The following TDRD5 variants were observed in gnomAD, a reference collection of about 807,000 sequenced individuals.
TDRD5 encodes tudor domain-containing protein 5.
Under a neutral mutation model 120.6 loss-of-function variants are expected in TDRD5, and 41 were observed. The ratio of observed to expected loss-of-function variants is 0.34; its 90% CI spans 0.26 to 0.44. The LOEUF (loss-of-function observed/expected upper bound fraction) is 0.44. Ranked by LOEUF, TDRD5 falls within the 20% of genes least tolerant of loss-of-function variation. The pLI, the probability that TDRD5 is intolerant of heterozygous loss-of-function variation, is 1.00. For synonymous variants in TDRD5, 430 were observed against 433.7 expected (o/e 0.99, Z 0.11); for missense variants, 1,006 against 1,221.2 (o/e 0.82, Z 2.63).
At chr1:179,634,718 GA>G (rs1423363769) in intron 8 of TDRD5, 89 bp downstream of exon 8, 8 of 1,419,858 alleles carry the variant, frequency 5.6e-6, no homozygotes, top group Non-Finnish European at 7.5e-6. Context: ...ATTCTTTTTA[GA>G]AAAGTCTTAT....
At chr1:179,642,205 A>G (rs770651841) in intron 11 of TDRD5, among the ~76,000 whole-genome samples, 2 of 151,684 alleles carry the variant, frequency 1.3e-5, no homozygotes, top group African/African-American at 4.8e-5. Flanking sequence ...GGTTCAAGCA[A>G]TTCTCCTGCC....
At chr1:179,641,279 CA>C (rs1448002883) in intron 11 of TDRD5, among the ~76,000 whole-genome samples, 1 of 152,040 alleles carries the variant, frequency 6.6e-6, no homozygotes, top group East Asian at 1.9e-4. Context: ...CCTGTAATCC[CA>C]GCACTTTGGG....
At chr1:179,608,870 C>G (rs1676132610) in intron 4 of TDRD5, among the ~76,000 whole-genome samples, 1 of 152,104 alleles carries the variant, frequency 6.6e-6, no homozygotes, top group East Asian at 1.9e-4. Context: ...TACTTTGACT[C>G]AATTTGATCA....
intron 4 of TDRD5, among the ~76,000 whole-genome samples, chr1:179,605,441 T>C (rs775596650): frequency 6.6e-6 from 1 of 152,186 alleles, no homozygotes; most frequent in Non-Finnish European, 1.5e-5. Flanking sequence ...CTTGCAACAA[T>C]GAGGTCTCTC....
At chr1:179,675,273 A>ATTTTT (rs1172444253) in intron 17 of TDRD5, among the ~76,000 whole-genome samples, 206 of 66,526 alleles carry the variant, frequency 3.1e-3, no homozygotes, top group Middle Eastern at 0.012. Flanking sequence ...TATTATTATT[A>ATTTTT]TTTTTTTTTT....
At chr1:179,667,914 G>A (rs745479165) in intron 16 of TDRD5, among the ~76,000 whole-genome samples, 5 of 152,190 alleles carry the variant, frequency 3.3e-5, no homozygotes, top group Non-Finnish European at 7.3e-5. Context: ...GATATTAAAT[G>A]TGTGATGCAT....
chr1:179,680,815 C>G (rs1311047588), intron 17 of TDRD5, among the ~76,000 whole-genome samples: 1 of 151,438 alleles, frequency 6.6e-6, no homozygotes, highest in African/African-American at 2.4e-5. Flanking sequence ...TTAAAGCAAC[C>G]ACTAAAAAAG....
chr1:179,601,975 T>G (rs1675739034), intron 4 of TDRD5, among the ~76,000 whole-genome samples: 1 of 152,182 alleles, frequency 6.6e-6, no homozygotes, highest in Admixed American at 6.5e-5. Flanking sequence ...CCAGGTAATT[T>G]TTTGTATTTT....
intron 12 of TDRD5, among the ~76,000 whole-genome samples, chr1:179,651,697 A>G (rs1678720690): frequency 6.6e-6 from 1 of 152,166 alleles, no homozygotes; most frequent in South Asian, 2.1e-4. Context: ...GTGGATCACG[A>G]GGTCAGGAGA....
rs1679353786 is a variant in TDRD5, at chr1:179,662,282, A to G, written c.2501A>G (p.Gln834Arg). 1 of 1,607,030 alleles carries G rather than the reference A, an allele frequency of 6.2e-7. No homozygotes were observed. The highest frequency in any genetic ancestry group is 1.3e-5 in the African/African-American group (1 of 74,438). Residue 834 changes from glutamine to arginine, a missense_variant, in exon 15 of 18, where the codon CAG (glutamine) becomes CGG (arginine). Transcript: ENST00000444136. The stretch of plus-strand genomic sequence containing the variant: ...TATTCATCATGTAAAGAAATGCCAC[A>G]GAAGGTTAGATCCTTGGAAAAATAG... ...NQYSSCKEMP[Q>R]KDWCFSTPKD...
Position 179,663,490 on chromosome 1 carries a change from A to G in TDRD5, c.2648A>G (p.Lys883Arg). The G allele has an allele frequency of 6.2e-7, 1 of 1,609,048 alleles. No homozygotes were observed. The highest frequency in any genetic ancestry group is 1.1e-5 in the South Asian group (1 of 89,732). Residue 883 changes from lysine (K) to arginine (R), a missense_variant and splice_region_variant, in exon 16 of 18, where the codon AAG becomes AGG. Lys to Arg is a conservative substitution (Grantham distance 26, BLOSUM62 2). Coordinates refer to ENST00000444136, the MANE Select transcript of TDRD5 (RefSeq NM_001199085.3). ...AATACTGGCACAAACAGGACTCAAA[A>G]GGTAAATGTCTAATGCAGGTTATTG... The part of the protein sequence containing the change: ...EKNTGTNRTQ[K>R]QLDINGSSDS...
At chr1:179,669,539 C>G in intron 17 of TDRD5, 135 bp downstream of exon 17, 1 of 1,003,418 alleles carries the variant, frequency 1.0e-6, no homozygotes, top group Middle Eastern at 3.3e-4. Context: ...GTGTTAAGTC[C>G]TTGTTTTATG....
intron 7 of TDRD5, among the ~76,000 whole-genome samples, 155 bp downstream of exon 7, chr1:179,631,075 A>C (rs139698414): frequency 2.7e-3 from 412 of 152,316 alleles, no homozygotes; most frequent in African/African-American, 9.1e-3. Flanking sequence ...TATTGTTAAT[A>C]AAAATAATCT....
chr1:179,601,765 G>A (rs1383869158), intron 4 of TDRD5, among the ~76,000 whole-genome samples: 1 of 152,192 alleles, frequency 6.6e-6, no homozygotes, highest in Non-Finnish European at 1.5e-5. Flanking sequence ...ATTCCTCTGG[G>A]TAGATACCCA....
intron 6 of TDRD5, among the ~76,000 whole-genome samples, chr1:179,626,453 G>A (rs75947552): frequency 6.6e-6 from 1 of 152,250 alleles, no homozygotes; most frequent in African/African-American, 2.4e-5. Flanking sequence ...CTTGAGTAGG[G>A]GTTTGGGTTA....
At chr1:179,605,488 G>T (rs1675924142) in intron 4 of TDRD5, among the ~76,000 whole-genome samples, 1 of 152,126 alleles carries the variant, frequency 6.6e-6, no homozygotes, top group South Asian at 2.1e-4. Flanking sequence ...GAGGAGGTGG[G>T]GGGTAGGAGG....
intron 17 of TDRD5, among the ~76,000 whole-genome samples, chr1:179,675,932 T>C (rs1444252901): frequency 6.6e-6 from 1 of 152,198 alleles, no homozygotes; most frequent in Non-Finnish European, 1.5e-5. Flanking sequence ...TTCTGTCTAG[T>C]GCTGTCAGTC....
intron 6 of TDRD5, among the ~76,000 whole-genome samples, chr1:179,630,557 A>G (rs906478029): frequency 6.6e-6 from 1 of 152,202 alleles, no homozygotes; most frequent in African/African-American, 2.4e-5. Flanking sequence ...ACATGCTTTA[A>G]AAGGAACTTG....
chr1:179,635,885 G>A lies in TDRD5; in HGVS notation c.1518G>A (p.Met506Ile), dbSNP rs1276557543. 2 of 1,612,736 alleles carry A rather than the reference G, an allele frequency of 1.2e-6. No homozygotes were observed. Among genetic ancestry groups the A allele is most frequent in the Admixed American group, 1.7e-5 (1 of 59,994 alleles). Residue 506 changes from methionine to isoleucine, a missense_variant and splice_region_variant, in exon 9 of 18, where the codon ATG (methionine) becomes ATA (isoleucine). Physicochemically the swap from Met to Ile is conservative, Grantham distance 10. Coordinates refer to ENST00000444136, the MANE Select transcript of TDRD5 (RefSeq NM_001199085.3). Reference protein sequence around the residue: ...SELLEDMMIEMRRCYSNQLVS... With the variant: ...SELLEDMMIEIRRCYSNQLVS... ...TACTCGAAGACATGATGATTGAAATGCGGTAGGAGTCTGTTGTTTTCAATG... is the reference window on the plus strand; with the variant it reads ...TACTCGAAGACATGATGATTGAAATACGGTAGGAGTCTGTTGTTTTCAATG...
Sources: gnomAD v4.1 joint callset for allele counts (sites outside exome capture counted in the v4.1 genomes callset) on GRCh38, gnomAD v4.1.1 for gene constraint, MANE v1.5 for transcripts, NCBI Gene and HGNC (gene_info 2026-07-23, HGNC 2026-07-21) for gene names.